The following ASAP1 variants were observed in gnomAD, a reference collection of about 807,000 sequenced individuals.
ASAP1 encodes the protein ArfGAP with SH3 domain, ankyrin repeat and PH domain 1, also known as arf-GAP with SH3 domain, ANK repeat and PH domain-containing protein 1.
In ASAP1, 43 loss-of-function variants were observed where a neutral mutation model predicts 145.2. The ratio of observed to expected loss-of-function variants is 0.30; its 90% CI spans 0.23 to 0.38. ASAP1 has a LOEUF of 0.38. ASAP1 is among the 10% of genes least tolerant of loss of function. The probability of loss-of-function intolerance (pLI) is 1.00; values close to 1 mark genes in which losing one functional copy is unlikely to be tolerated. For synonymous variants in ASAP1, 546 were observed against 515.5 expected, an observed-to-expected ratio of 1.06 and a Z score of -0.80; for missense variants, 1,018 against 1,355.3, an observed-to-expected ratio of 0.75 and a Z score of 3.91.
chr8:130,281,717 G>C (rs537764890), intron 3 of ASAP1, among the ~76,000 whole-genome samples: 3 of 152,200 alleles, frequency 2.0e-5, no homozygotes, highest in Non-Finnish European at 4.4e-5. Context: ...TTTCCTCTAA[G>C]AAACTCTGCA....
In ASAP1 at chr8:130,079,958, A is replaced by T. The variant is rs138900968; in HGVS notation, c.2586T>A (p.Gly862=). The T allele has an allele frequency of 6.9e-5, 112 of 1,613,864 alleles. 1 individual carries two copies. The African/African-American group carries it at 1.3e-3, about 19-fold the overall frequency. Residue 862 remains glycine (G), a synonymous_variant, in exon 26 of 30, where the codon GGT becomes GGA. Coordinates refer to ENST00000518721, the MANE Select transcript of ASAP1 (RefSeq NM_018482.4). ...TTGTAGTCTTACTTGAAGAGGATGG[A>T]CCCCCATCGTTACCTACAAGGAAAA... ...KGAVPWGNDG[G]PSSSSKTTNK...
chr8:130,091,876 G>T, intron 25 of ASAP1, 97 bp downstream of exon 25: 1 of 1,292,430 alleles, frequency 7.7e-7, no homozygotes, highest in Non-Finnish European at 1.0e-6. Context: ...TGTGCATTTT[G>T]GCACACTTTC....
Position 130,115,700 on chromosome 8 carries a change from G to A in ASAP1, c.2100C>T (p.His700=), listed in dbSNP as rs374565262. ...GATTCCACTCATATTCTACGTGGAC[G>A]TGTGGATTGAACTTTCCAGATTTAG... ...SQAKSGKFNP[H]VHVEYEWNLR... The change falls in exon 23 of 30, where the codon CAC becomes CAT. Residue 700 remains histidine, a synonymous_variant. Transcript: ENST00000518721. 17 of 1,613,972 alleles carry A rather than the reference G, an allele frequency of 1.1e-5. No individual in the cohort carries two copies. The Admixed American group carries it at 2.5e-4, about 24-fold the overall frequency.
intron 2 of ASAP1, among the ~76,000 whole-genome samples, chr8:130,376,379 G>C (rs1013190315): frequency 3.3e-5 from 5 of 152,148 alleles, no homozygotes; most frequent in African/African-American, 1.2e-4. Context: ...CAGTAATTGT[G>C]GCTGTATGCA....
rs540653924 is a variant in ASAP1 at position 130,101,624 on chromosome 8, G to A, written c.2402-9481C>T. Among the ~76,000 whole-genome samples the A allele has an allele frequency of 1.4e-4, 21 of 151,446 alleles. No homozygotes were observed. In the South Asian group the frequency reaches 4.2e-3, roughly 30 times the overall value. ...CTTTCTCTGTCACCCAGGCTGGAGT[G>A]CAGTAGCGTAATCACAGCTCACTGC... On this transcript the variant is annotated intron_variant, in intron 24 of 29. Coordinates refer to ENST00000518721, the MANE Select transcript of ASAP1 (RefSeq NM_018482.4).
At chr8:130,144,585 G>C (rs1016299367) in intron 13 of ASAP1, among the ~76,000 whole-genome samples, 7 of 152,130 alleles carry the variant, frequency 4.6e-5, no homozygotes, top group Non-Finnish European at 7.4e-5. Context: ...GCCTTTTCTG[G>C]TTCTTACTGC....
chr8:130,201,225 G>A (rs1485411186), intron 5 of ASAP1, among the ~76,000 whole-genome samples: 1 of 152,218 alleles, frequency 6.6e-6, no homozygotes, highest in Non-Finnish European at 1.5e-5. Flanking sequence ...CTTACAGCCA[G>A]AGAGCAGAAA....
At chr8:130,096,956 T>C (rs2097519186) in intron 24 of ASAP1, among the ~76,000 whole-genome samples, 1 of 151,382 alleles carries the variant, frequency 6.6e-6, no homozygotes, top group African/African-American at 2.4e-5. Context: ...TGAAACCCTG[T>C]CTCCACTAAA....
intron 3 of ASAP1, among the ~76,000 whole-genome samples, chr8:130,262,417 AGAGAGAGAGAGAGAGAGAGAGAG>A (rs1819979430): frequency 3.3e-4 from 11 of 32,982 alleles, no homozygotes; most frequent in African/African-American, 1.4e-3. Flanking sequence ...AAAAAAAAAA[AGAGAGAGAGAGAGAGAGAGAGAG>A]AGAGAGAGAG....
intron 9 of ASAP1, among the ~76,000 whole-genome samples, chr8:130,177,973 T>C (rs904357090): frequency 3.3e-5 from 5 of 152,194 alleles, no homozygotes; most frequent in East Asian, 1.9e-4. Flanking sequence ...TTTAGTGAAG[T>C]ACCTGATTAA....
intron 3 of ASAP1, among the ~76,000 whole-genome samples, chr8:130,323,963 C>A (rs1824172524): frequency 6.6e-6 from 1 of 152,198 alleles, no homozygotes; most frequent in African/African-American, 2.4e-5. Context: ...GCTCCCAGAG[C>A]TGCCAGGGCT....
At chr8:130,416,295 G>C (rs541005408) in intron 1 of ASAP1, among the ~76,000 whole-genome samples, 1 of 152,178 alleles carries the variant, frequency 6.6e-6, no homozygotes, top group Admixed American at 6.5e-5. Flanking sequence ...CCCACACTCC[G>C]TCTCTTCCTC....
chr8:130,352,726 T>C (rs753977475), intron 3 of ASAP1, among the ~76,000 whole-genome samples: 10 of 152,186 alleles, frequency 6.6e-5, no homozygotes, highest in African/African-American at 1.9e-4. Context: ...TTGATGATAG[T>C]AGGGTGAAAA....
chr8:130,229,515 TTAAGGCTCA>T (rs567228094), intron 4 of ASAP1, among the ~76,000 whole-genome samples: 1 of 152,300 alleles, frequency 6.6e-6, no homozygotes, highest in South Asian at 2.1e-4. Context: ...AAGGGTCTGT[TTAAGGCTCA>T]AAGGTGGTCC....
rs1565149058 is a variant in ASAP1, at chr8:130,262,452, GAGA to G, written c.187-25461_187-25459del. Among the ~76,000 whole-genome samples, 66 of 96,988 alleles carry G rather than the reference GAGA, an allele frequency of 6.8e-4. 2 individuals carry two copies. Among genetic ancestry groups the G allele is most frequent in the East Asian group, 1.6e-3 (3 of 1,904 alleles). 63.6% of individuals were successfully genotyped at this position (96,988 alleles called of 152,430 possible). A position where few individuals can be genotyped will look rare whatever the true frequency, so the allele number is the denominator to read the frequency against. ...AGAGAGAGAGAGAGAGAGAGAGAGA[GAGA>G]GAACCTGTGGAATTTCAGATAGGTT... On this transcript the variant is annotated intron_variant, in intron 3 of 29. Coordinates refer to ENST00000518721, the MANE Select transcript of ASAP1 (RefSeq NM_018482.4).
At chr8:130,056,919 G>A (rs1321176828) in intron 29 of ASAP1, among the ~76,000 whole-genome samples, 2 of 152,136 alleles carry the variant, frequency 1.3e-5, no homozygotes, top group Non-Finnish European at 2.9e-5. Context: ...CTTACTCCCT[G>A]GCAACGTGAA....
chr8:130,192,560 C>T (rs1815213005), intron 5 of ASAP1, among the ~76,000 whole-genome samples: 1 of 152,062 alleles, frequency 6.6e-6, no homozygotes, highest in African/African-American at 2.4e-5. Context: ...TCCTATGGGC[C>T]TTAGAAGTTT....
At chr8:130,328,582 C>A (rs1824485678) in intron 3 of ASAP1, among the ~76,000 whole-genome samples, 1 of 151,618 alleles carries the variant, frequency 6.6e-6, no homozygotes, top group Non-Finnish European at 1.5e-5. Flanking sequence ...GCTGTAAAAA[C>A]CCAATTAATT....
chr8:130,171,857 A>T (rs1813618033), intron 9 of ASAP1, among the ~76,000 whole-genome samples: 1 of 152,240 alleles, frequency 6.6e-6, no homozygotes, highest in South Asian at 2.1e-4. Context: ...GAAGGGATAT[A>T]TGCCCAGGAG....
Sources: allele counts gnomAD v4.1 joint callset (sites outside exome capture counted in the v4.1 genomes callset), GRCh38; gene constraint gnomAD v4.1.1; transcripts MANE v1.5; gene names NCBI Gene and HGNC (gene_info 2026-07-23, HGNC 2026-07-21).